HGS: variants seen among roughly 807,000 people sequenced by gnomAD.
The protein encoded by HGS is hepatocyte growth factor-regulated tyrosine kinase substrate.
In HGS, 63 loss-of-function variants were observed where a neutral mutation model predicts 109.7. The ratio of observed to expected loss-of-function variants is 0.57; its 90% confidence interval spans 0.47 to 0.71. The LOEUF is 0.71. Among genes scored for constraint, HGS ranks in the 30% least tolerant of loss-of-function variants. The probability of loss-of-function intolerance (pLI) is 0.00; values close to 1 mark genes in which losing one functional copy is unlikely to be tolerated. For missense variants in HGS, 995 were observed against 1,068.3 expected (o/e 0.93, Z 0.96); for synonymous variants, 546 against 437.3 (o/e 1.25, Z -3.10).
intron 6 of HGS, 72 bp downstream of exon 6, chr17:81,690,306 C>T (rs2037043550): frequency 6.6e-7 from 1 of 1,509,390 alleles, no homozygotes; most frequent in African/African-American, 1.4e-5. Context: ...TGCTGGGAGC[C>T]CGGCTTGTTT....
intron 12 of HGS, 28 bp from the exon 13 acceptor site, chr17:81,694,896 T>C (rs750680908): frequency 1.2e-6 from 2 of 1,614,116 alleles, no homozygotes; most frequent in East Asian, 4.5e-5. Context: ...GTTTCTGGCC[T>C]TGGGAGTGAC....
intron 8 of HGS, 132 bp from the exon 9 acceptor site, chr17:81,693,371 C>T (rs2037093593): frequency 1.4e-6 from 1 of 706,850 alleles, no homozygotes; most frequent in Admixed American, 2.1e-5. Flanking sequence ...ATTCGGACAC[C>T]TGTGGCTGTG....
At position 81,688,788 on chromosome 17, in the gene HGS, A is replaced by C. The variant is rs779178497; in HGVS notation, c.376A>C (p.Lys126Gln). The change falls in exon 5 of 22, where the codon AAG becomes CAG. Residue 126 changes from lysine (K) to glutamine (Q), a missense_variant. Physicochemically the swap from Lys to Gln is moderately conservative, Grantham distance 53. Transcript: ENST00000329138. ...TGCCTTCCGGAACGAGCCCAAGTACAAGGTGGTCCAGGACACCTACCAGAT... is the reference window on the plus strand; with the variant it reads ...TGCCTTCCGGAACGAGCCCAAGTACCAGGTGGTCCAGGACACCTACCAGAT... ...AHAFRNEPKY[K>Q]VVQDTYQIMK... 1 of 1,614,156 alleles carries C rather than the reference A, an allele frequency of 6.2e-7. No homozygotes were observed. The highest frequency in any genetic ancestry group is 8.5e-7 in the Non-Finnish European group (1 of 1,180,004).
At chr17:81,695,549 G>C (rs2037132399) in intron 14 of HGS, 2 of 601,540 alleles carry the variant, frequency 3.3e-6, no homozygotes, top group East Asian at 5.5e-5. Context: ...CAGGTCCCTG[G>C]AGAGGGAGCT....
chr17:81,685,077 G>A, intron 1 of HGS: 1 of 985,326 alleles, frequency 1.0e-6, no homozygotes, highest in Non-Finnish European at 1.2e-6. Flanking sequence ...CAGGTATGCT[G>A]GCGAGTCCTC....
intron 20 of HGS, 66 bp from the exon 21 acceptor site, chr17:81,700,979 C>A: frequency 6.4e-7 from 1 of 1,552,654 alleles, no homozygotes; most frequent in South Asian, 1.1e-5. Flanking sequence ...TTGTTGCAAG[C>A]CAGAAACATC....
At position 81,694,317 on chromosome 17, in the gene HGS, T is replaced by C. The variant is rs942872472; in HGVS notation, c.936+352T>C. 3.3e-5 allele frequency among the ~76,000 whole-genome samples: 5 copies of C among 152,174 alleles called. No individual in the cohort carries two copies. In the South Asian group the frequency reaches 1.0e-3, roughly 32 times the overall value. On this transcript the variant is annotated intron_variant, in intron 11 of 21. Coordinates refer to ENST00000329138, the MANE Select transcript of HGS (RefSeq NM_004712.5). ...CCTCTCCCTGGCCTCAGCCCCGCTC[T>C]CAGTAGAGGGTGAAGAGGCAGCCTG...
intron 11 of HGS, 47 bp from the exon 12 acceptor site, chr17:81,694,768 C>T (rs1285147525): frequency 1.2e-6 from 2 of 1,613,374 alleles, no homozygotes; most frequent in Non-Finnish European, 1.7e-6. Flanking sequence ...CCTGCCGAAG[C>T]AACTGGCTCT....
intron 8 of HGS, 133 bp from the exon 9 acceptor site, chr17:81,693,370 C>T (rs2037093573): frequency 9.9e-6 from 7 of 704,992 alleles, no homozygotes; most frequent in African/African-American, 3.5e-5. Context: ...CATTCGGACA[C>T]CTGTGGCTGT....
chr17:81,686,767 C>T (rs1449864683), intron 3 of HGS, among the ~76,000 whole-genome samples: 4 of 151,856 alleles, frequency 2.6e-5, no homozygotes, highest in Non-Finnish European at 5.9e-5. Flanking sequence ...GCTGTCCCAC[C>T]GGGTTCCCCA....
intron 16 of HGS, 26 bp downstream of exon 16, chr17:81,696,555 C>A (rs755850891): frequency 8.4e-6 from 13 of 1,546,654 alleles, no homozygotes; most frequent in Non-Finnish European, 1.1e-5. Flanking sequence ...AGCCACAGGC[C>A]GGGGCCGGCT....
At position 81,696,828 on chromosome 17, in the gene HGS, A is replaced by C; in HGVS notation, c.1712A>C (p.Gln571Pro). The change falls in exon 18 of 22, where the codon CAG (glutamine) becomes CCG (proline). Residue 571 changes from glutamine to proline, a missense_variant. Gln to Pro is a moderately conservative substitution (Grantham distance 76, BLOSUM62 -1). This residue lies in a region of HGS where 326 missense variants were observed against 309.7 expected (regional missense o/e 1.05). Coordinates refer to ENST00000329138, the MANE Select transcript of HGS (RefSeq NM_004712.5). ...CGCTGTCTCTTTTGTCCCCAGCTCC[A>C]GGCCATGCCCGCAGCCGGAGGTGTG... is the stretch of plus-strand genomic sequence containing the variant. ...PAFPLPYAQL[Q>P]AMPAAGGVLY... 6.2e-7 allele frequency: 1 copy of C among 1,608,702 alleles called. No homozygotes were observed. The highest frequency in any genetic ancestry group is 8.5e-7 in the Non-Finnish European group (1 of 1,177,470).
In HGS at chr17:81,696,926, A is replaced by T; in HGVS notation, c.1810A>T (p.Met604Leu). 1.2e-6 allele frequency: 2 copies of T among 1,607,466 alleles called. No individual in the cohort carries two copies. Among genetic ancestry groups the T allele is most frequent in the South Asian group, 1.1e-5 (1 of 91,028 alleles). The stretch of plus-strand genomic sequence containing the variant: ...TGCCGGCTCGGTGGAGGGCTCCCCA[A>T]TGCACGGCGTGTACATGAGCCAGCC... ...SPAGSVEGSPMHGVYMSQPAP... is the reference protein window; with the variant it reads ...SPAGSVEGSPLHGVYMSQPAP... Residue 604 changes from methionine to leucine, a missense_variant, in exon 18 of 22, where the codon ATG becomes TTG. Transcript: ENST00000329138.
At position 81,690,182 on chromosome 17, in the gene HGS, G is replaced by A; in HGVS notation, c.416G>A (p.Gly139Glu). Residue 139 changes from glycine to glutamate, a missense_variant and splice_region_variant, in exon 6 of 22, where the codon GGG (glycine) becomes GAG (glutamate). Around this residue, in one of 6 missense-constraint regions of HGS, gnomAD observed 182 missense variants for 261.3 expected, o/e 0.70. Coordinates refer to ENST00000329138, the MANE Select transcript of HGS (RefSeq NM_004712.5). Reference protein sequence around the residue: ...QDTYQIMKVEGHVFPEFKESD... With the variant: ...QDTYQIMKVEEHVFPEFKESD... ...AGTGACTATGGCTTCATCTCTCCAG[G>A]GCACGTCTTTCCAGAATTCAAAGAG... 2 of 1,613,718 alleles carry A rather than the reference G, an allele frequency of 1.2e-6. No individual in the cohort carries two copies. The highest frequency in any genetic ancestry group is 1.7e-6 in the Non-Finnish European group (2 of 1,179,738).
chr17:81,700,706 C>T lies in HGS; in HGVS notation c.2028C>T (p.Ser676=), dbSNP rs1393312354. 1 of 1,611,170 alleles carries T rather than the reference C, an allele frequency of 6.2e-7. No individual in the cohort carries two copies. Among genetic ancestry groups the T allele is most frequent in the Admixed American group, 1.7e-5 (1 of 59,914 alleles). The change falls in exon 20 of 22, where the codon TCC becomes TCT. Residue 676 remains serine (S), a synonymous_variant. Transcript: ENST00000329138. The stretch of plus-strand genomic sequence containing the variant: ...CATTCCCTCCGCAGAACGTGGCCTC[C>T]CAGGCCCCACAGAGCCTCCCGGCCA... ...TPTAGYQNVA[S]QAPQSLPAIS... is the part of the protein sequence containing the mutation.
chr17:81,701,822 AGGGC>A lies in HGS; in HGVS notation c.*205_*208del. ...GAGTTAGTCTCTGCTTTCTTTCCCC[AGGGC>A]TGGGCCATGGGGAGGGAAGGACTTT... On this transcript the variant is annotated 3_prime_UTR_variant, in exon 22 of 22. Coordinates refer to ENST00000329138, the MANE Select transcript of HGS (RefSeq NM_004712.5). 3 of 709,492 alleles carry A rather than the reference AGGGC, an allele frequency of 4.2e-6. No homozygotes were observed. The highest frequency in any genetic ancestry group is 6.3e-6 in the Non-Finnish European group (3 of 473,662). The allele number at this position is 709,492 out of a possible 1,614,324, so 43.9% of individuals were successfully genotyped here.
intron 11 of HGS, 86 bp downstream of exon 11, chr17:81,694,051 G>A: frequency 2.5e-6 from 3 of 1,208,336 alleles, no homozygotes; most frequent in Admixed American, 2.4e-5. Context: ...ATTTAGTCAG[G>A]TTGGTGGGGG....
chr17:81,685,634 A>G lies in HGS; in HGVS notation c.67A>G (p.Thr23Ala), dbSNP rs777490087. 6.2e-7 allele frequency: 1 copy of G among 1,611,490 alleles called. No homozygotes were observed. Among genetic ancestry groups the G allele is most frequent in the East Asian group, 2.2e-5 (1 of 44,668 alleles). ...GGCGACCAGCCAGCTCCTGTTGGAG[A>G]CAGATTGGGAGTCCATTTTGCAGAT... ...DKATSQLLLE[T>A]DWESILQICD... The change falls in exon 2 of 22, where the codon ACA becomes GCA. Residue 23 changes from threonine (T) to alanine (A), a missense_variant. This residue lies in a region of HGS where 1 missense variants were observed against 18.6 expected (regional missense o/e 0.05). Coordinates refer to ENST00000329138, the MANE Select transcript of HGS (RefSeq NM_004712.5).
chr17:81,696,918 G>A lies in HGS; in HGVS notation c.1802G>A (p.Gly601Asp). 1.2e-6 allele frequency: 2 copies of A among 1,608,106 alleles called. No individual in the cohort carries two copies. The highest frequency in any genetic ancestry group is 8.5e-7 in the Non-Finnish European group (1 of 1,179,804). ...STFSPAGSVE[G>D]SPMHGVYMSQ... ...TTCAGCCCTGCCGGCTCGGTGGAGGGCTCCCCAATGCACGGCGTGTACATG... is the reference window on the plus strand; with the variant it reads ...TTCAGCCCTGCCGGCTCGGTGGAGGACTCCCCAATGCACGGCGTGTACATG... Residue 601 changes from glycine to aspartate, a missense_variant, in exon 18 of 22, where the codon GGC becomes GAC. By Grantham distance (94) the Gly-to-Asp change is moderately conservative. Around this residue, in one of 6 missense-constraint regions of HGS, gnomAD observed 326 missense variants for 309.7 expected, o/e 1.05. Coordinates refer to ENST00000329138, the MANE Select transcript of HGS (RefSeq NM_004712.5).
Sources: allele counts gnomAD v4.1 joint callset (sites outside exome capture counted in the v4.1 genomes callset), GRCh38; gene constraint gnomAD v4.1.1; regional missense constraint gnomAD v4.1.1; transcripts MANE v1.5; gene names NCBI Gene and HGNC (gene_info 2026-07-23, HGNC 2026-07-21).